The following GALNT13 variants were observed in gnomAD, a reference collection of about 807,000 sequenced individuals.
GALNT13 encodes the protein UDP-GalNAc:polypeptide N-acetylgalactosaminyltransferase 13.
Under a neutral mutation model 64.2 loss-of-function variants are expected in GALNT13, and 28 were observed. That is an observed-to-expected ratio of 0.44 (90% CI 0.32 to 0.60). The LOEUF is 0.60. Ranked by LOEUF, GALNT13 falls within the 20% of genes least tolerant of loss-of-function variation. The pLI is 0.05. For synonymous variants in GALNT13, 214 were observed against 224.6 expected (o/e 0.95, Z 0.42); for missense variants, 577 against 669.8 (o/e 0.86, Z 1.53).
At chr2:153,540,534 G>T in the GALNT13 span, among the ~76,000 whole-genome samples, 3 of 152,202 alleles carry the variant, frequency 2.0e-5, no homozygotes, top group South Asian at 6.2e-4. Flanking sequence ...AGACCCCAGA[G>T]TGGTAAATCC....
At chr2:153,191,818 A>G in the GALNT13 span, among the ~76,000 whole-genome samples, 6 of 150,602 alleles carry the variant, frequency 4.0e-5, no homozygotes, top group South Asian at 2.1e-4. Context: ...AAATTTATCT[A>G]TTTCTTCTAG....
intron 12 of GALNT13, among the ~76,000 whole-genome samples, chr2:154,448,660 T>G (rs938630064): frequency 6.6e-6 from 1 of 152,046 alleles, no homozygotes; most frequent in Admixed American, 6.6e-5. Flanking sequence ...GTTTTTAAAA[T>G]TATTATTTGT....
intron 3 of GALNT13, among the ~76,000 whole-genome samples, chr2:154,000,932 T>C (rs1489097897): frequency 1.3e-5 from 2 of 151,986 alleles, no homozygotes; most frequent in African/African-American, 2.4e-5. Flanking sequence ...ATCTCTCCCT[T>C]TAGGTCTATG....
At chr2:154,399,814 T>A (rs799747) in intron 10 of GALNT13, among the ~76,000 whole-genome samples, 1 of 151,928 alleles carries the variant, frequency 6.6e-6, no homozygotes, top group Admixed American at 6.6e-5. Flanking sequence ...AAAATAGGGA[T>A]GCAGAGGTGG....
the GALNT13 span, among the ~76,000 whole-genome samples, chr2:153,769,117 G>T: frequency 6.6e-6 from 1 of 152,080 alleles, no homozygotes; most frequent in Non-Finnish European, 1.5e-5. Flanking sequence ...TATTATGTGG[G>T]ATTTTGTTCT....
chr2:153,633,568 A>G, the GALNT13 span, among the ~76,000 whole-genome samples: 1 of 152,166 alleles, frequency 6.6e-6, no homozygotes, highest in African/African-American at 2.4e-5. Flanking sequence ...TTGTTTGCCT[A>G]CTACAATATT....
chr2:153,173,861 T>A, the GALNT13 span, among the ~76,000 whole-genome samples: 3 of 152,224 alleles, frequency 2.0e-5, no homozygotes, highest in Admixed American at 6.5e-5. Flanking sequence ...AAAACTTTTT[T>A]TCATCATTGA....
At chr2:154,020,769 C>T (rs1342856045) in intron 3 of GALNT13, among the ~76,000 whole-genome samples, 3 of 151,472 alleles carry the variant, frequency 2.0e-5, no homozygotes, top group South Asian at 2.1e-4. Flanking sequence ...ACATGAAGTC[C>T]TTGCCCATGC....
the GALNT13 span, among the ~76,000 whole-genome samples, chr2:153,597,982 A>G: frequency 2.0e-5 from 3 of 152,256 alleles, no homozygotes; most frequent in East Asian, 5.8e-4. Flanking sequence ...TACTACTGGT[A>G]TAAATGTAAA....
intron 3 of GALNT13, among the ~76,000 whole-genome samples, chr2:153,975,191 C>G (rs1693998599): frequency 6.6e-6 from 1 of 152,010 alleles, no homozygotes; most frequent in Non-Finnish European, 1.5e-5. Flanking sequence ...GATGGCATCT[C>G]TTGGCCTTCT....
chr2:154,233,682 C>T (rs1448960256), intron 4 of GALNT13, among the ~76,000 whole-genome samples: 1 of 152,128 alleles, frequency 6.6e-6, no homozygotes, highest in Non-Finnish European at 1.5e-5. Flanking sequence ...ATAACTGCCT[C>T]TTGTGTATGA....
At chr2:153,139,633 A>G in the GALNT13 span, among the ~76,000 whole-genome samples, 2 of 152,046 alleles carry the variant, frequency 1.3e-5, no homozygotes, top group African/African-American at 4.8e-5. Flanking sequence ...GGACAACAAA[A>G]GCAAAGGCAT....
chr2:153,423,599 G>A, the GALNT13 span: 6 of 151,814 alleles, frequency 4.0e-5, no homozygotes, highest in East Asian at 1.2e-3. Flanking sequence ...TCCAAGAGAA[G>A]TTACAGAGAA....
intron 9 of GALNT13, among the ~76,000 whole-genome samples, chr2:154,339,226 A>G (rs1695618858): frequency 6.6e-6 from 1 of 152,118 alleles, no homozygotes; most frequent in Non-Finnish European, 1.5e-5. Flanking sequence ...ACCAAGAGTA[A>G]CTAATATGCA....
chr2:153,407,996 G>A, the GALNT13 span, among the ~76,000 whole-genome samples: 1 of 152,190 alleles, frequency 6.6e-6, no homozygotes, highest in Admixed American at 6.5e-5. Context: ...AAAATAATGA[G>A]AATGGTAACC....
intron 3 of GALNT13, among the ~76,000 whole-genome samples, chr2:154,043,486 C>A (rs1699121778): frequency 1.6e-5 from 2 of 126,214 alleles, no homozygotes; most frequent in Non-Finnish European, 3.2e-5. Context: ...ACATGTATTG[C>A]AAATAGAAAT....
At chr2:154,268,249 A>T (rs1250565895) in intron 8 of GALNT13, among the ~76,000 whole-genome samples, 1 of 152,246 alleles carries the variant, frequency 6.6e-6, no homozygotes, top group East Asian at 1.9e-4. Flanking sequence ...TGTGCAAACT[A>T]TTAATGCACC....
At chr2:153,106,203 A>C in the GALNT13 span, among the ~76,000 whole-genome samples, 1 of 152,166 alleles carries the variant, frequency 6.6e-6, no homozygotes, top group East Asian at 1.9e-4. Flanking sequence ...TTCAAAATGC[A>C]AGGGGAAAGT....
At chr2:153,782,203 T>C in the GALNT13 span, among the ~76,000 whole-genome samples, 6 of 152,206 alleles carry the variant, frequency 3.9e-5, no homozygotes, top group Admixed American at 2.6e-4. Flanking sequence ...CCTTCATGCA[T>C]TGATTTTGTC....
Sources: gnomAD v4.1 joint callset for allele counts (sites outside exome capture counted in the v4.1 genomes callset) on GRCh38, gnomAD v4.1.1 for gene constraint, MANE v1.5 for transcripts, NCBI Gene and HGNC (gene_info 2026-07-23, HGNC 2026-07-21) for gene names.